Variants in GLP2R observed in about 807,000 individuals in gnomAD.
The protein encoded by GLP2R is glucagon like peptide 2 receptor.
In GLP2R, 59 loss-of-function variants were observed where a neutral mutation model predicts 68.2. That is an observed-to-expected ratio of 0.87 (90% CI 0.70 to 1.07). The LOEUF (loss-of-function observed/expected upper bound fraction) is 1.07, where lower values mean the gene tolerates loss of function less well. Ranked by LOEUF, GLP2R falls within the 50% of genes least tolerant of loss-of-function variation. The pLI is 0.00. For missense variants in GLP2R, 548 were observed against 677.4 expected (o/e 0.81, Z 2.12); for synonymous variants, 270 against 265.4 (o/e 1.02, Z -0.17).
intron 1 of GLP2R, among the ~76,000 whole-genome samples, chr17:9,829,965 A>G (rs1239937596): frequency 1.3e-5 from 2 of 152,224 alleles, no homozygotes; most frequent in Non-Finnish European, 2.9e-5. Flanking sequence ...CTGGTTGCCT[A>G]TGCAAGGGAA....
At chr17:9,837,135 G>A (rs1034817141) in intron 3 of GLP2R, among the ~76,000 whole-genome samples, 1 of 152,198 alleles carries the variant, frequency 6.6e-6, no homozygotes, top group South Asian at 2.1e-4. Flanking sequence ...GATTACAGGC[G>A]TGAGCACTGC....
intron 10 of GLP2R, among the ~76,000 whole-genome samples, chr17:9,875,324 C>A (rs1452036943): frequency 2.0e-5 from 3 of 152,188 alleles, no homozygotes; most frequent in Admixed American, 2.0e-4. Flanking sequence ...TCTTCCTCAT[C>A]CCCTTCCATG....
chr17:9,838,343 A>G (rs924957424), intron 3 of GLP2R, among the ~76,000 whole-genome samples: 26 of 152,200 alleles, frequency 1.7e-4, no homozygotes, highest in African/African-American at 6.3e-4. Context: ...AGTCAATGAG[A>G]AGGCACTCAC....
At chr17:9,870,644 A>G in intron 9 of GLP2R, 103 bp from the exon 10 acceptor site, 1 of 722,386 alleles carries the variant, frequency 1.4e-6, no homozygotes, top group Admixed American at 1.9e-5. Context: ...CCCCTGGTTT[A>G]CATTGAACTG....
intron 11 of GLP2R, among the ~76,000 whole-genome samples, chr17:9,884,983 A>T (rs1421863979): frequency 6.6e-6 from 1 of 151,962 alleles, no homozygotes; most frequent in Admixed American, 6.6e-5. Context: ...GATCTCACTC[A>T]CCCAAGGCCC....
chr17:9,846,261 A>C (rs1041137165), intron 4 of GLP2R, among the ~76,000 whole-genome samples: 1 of 152,184 alleles, frequency 6.6e-6, no homozygotes, highest in African/African-American at 2.4e-5. Flanking sequence ...AGTAATTTAA[A>C]AAACTGCTAT....
intron 6 of GLP2R, 83 bp from the exon 7 acceptor site, chr17:9,859,859 G>GTC (rs2066970738): frequency 2.7e-6 from 1 of 371,298 alleles, no homozygotes; most frequent in African/African-American, 2.1e-5. Flanking sequence ...GGGAGAGGTT[G>GTC]TCTCTGGGAG....
In GLP2R at chr17:9,889,515, G is replaced by T; in HGVS notation, c.1472G>T (p.Arg491Leu). 1 of 1,614,194 alleles carries T rather than the reference G, an allele frequency of 6.2e-7. No homozygotes were observed. ...GAAGGAGATGGCGCTGAGAAGCTTC[G>T]GAAGCTGCAGCCCTCACTTAACAGT... ...LSEGDGAEKLRKLQPSLNSGR... is the reference protein window; with the variant it reads ...LSEGDGAEKLLKLQPSLNSGR... The change falls in exon 13 of 13, where the codon CGG becomes CTG. Residue 491 changes from arginine to leucine, a missense_variant. Arg to Leu is a moderately radical substitution (Grantham distance 102, BLOSUM62 -2). Transcript: ENST00000262441.
At chr17:9,879,277 AAAATAAAATAAAAT>A (rs1233340995) in intron 10 of GLP2R, among the ~76,000 whole-genome samples, 737 of 25,872 alleles carry the variant, frequency 0.028, 39 homozygotes, top group African/African-American at 0.13. Flanking sequence ...AAAATAAAAT[AAAATAAAATAAAAT>A]AAATAAAATA....
intron 2 of GLP2R, among the ~76,000 whole-genome samples, chr17:9,835,136 C>A (rs1402932498): frequency 1.4e-5 from 2 of 146,622 alleles, no homozygotes; most frequent in Non-Finnish European, 3.0e-5. Context: ...TCAAGAGATT[C>A]TCCTGCCTCA....
chr17:9,889,196 A>G (rs970045082), intron 12 of GLP2R, among the ~76,000 whole-genome samples, 174 bp from the exon 13 acceptor site: 1 of 152,090 alleles, frequency 6.6e-6, no homozygotes, highest in Non-Finnish European at 1.5e-5. Context: ...TAGTACTCTC[A>G]CAGTGTCATC....
intron 3 of GLP2R, among the ~76,000 whole-genome samples, chr17:9,837,273 C>A (rs769517036): frequency 1.3e-5 from 2 of 152,204 alleles, no homozygotes; most frequent in African/African-American, 2.4e-5. Flanking sequence ...CCGCCCACTA[C>A]CCTTCCCAGC....
In GLP2R at chr17:9,857,585, C is replaced by T; in HGVS notation, c.765+9C>T. ...TGTCCTACCTGTCAGAGGTAATCCC[C>T]TTCCCCACTGTTTACACTGGACTCC... On this transcript the variant is annotated intron_variant, in intron 6 of 12. Transcript: ENST00000262441. 1 of 1,613,940 alleles carries T rather than the reference C, an allele frequency of 6.2e-7. No homozygotes were observed. Among genetic ancestry groups the T allele is most frequent in the South Asian group, 1.1e-5 (1 of 91,076 alleles).
intron 4 of GLP2R, among the ~76,000 whole-genome samples, chr17:9,852,060 G>GTT (rs961115603): frequency 9.3e-5 from 5 of 53,570 alleles, no homozygotes; most frequent in Non-Finnish European, 1.7e-4. Flanking sequence ...TTTTTTTTTT[G>GTT]TTTTTTTTTT....
chr17:9,889,368 A>T lies in GLP2R; in HGVS notation c.1327-2A>T, dbSNP rs2067269928. ...TAACCTCTCACTTGTCTCACCCGGC[A>T]GGTGAAGGCTGAGCTGCGGAAATAC... On this transcript the variant is annotated splice_acceptor_variant, in intron 12 of 12. Transcript: ENST00000262441. LOFTEE classifies it high-confidence loss of function. 1 of 1,603,022 alleles carries T rather than the reference A, an allele frequency of 6.2e-7. No individual in the cohort carries two copies. The highest frequency in any genetic ancestry group is 2.2e-5 in the East Asian group (1 of 44,742).
At chr17:9,842,454 G>A in intron 3 of GLP2R, 41 bp from the exon 4 acceptor site, 1 of 1,613,420 alleles carries the variant, frequency 6.2e-7, no homozygotes, top group Non-Finnish European at 8.5e-7. Context: ...GGAACGGGCT[G>A]TGTGTTCTGA....
intron 4 of GLP2R, among the ~76,000 whole-genome samples, chr17:9,847,292 G>A (rs985867334): frequency 1.3e-5 from 2 of 150,130 alleles, no homozygotes; most frequent in Middle Eastern, 3.2e-3. Flanking sequence ...TTTTTGAAAC[G>A]GAGTTTCGCT....
At chr17:9,837,101 C>T (rs545193918) in intron 3 of GLP2R, among the ~76,000 whole-genome samples, 13 of 152,126 alleles carry the variant, frequency 8.5e-5, no homozygotes, top group South Asian at 2.1e-4. Flanking sequence ...GTGATCCACC[C>T]GCCTCCGCCT....
intron 6 of GLP2R, among the ~76,000 whole-genome samples, chr17:9,858,431 T>C (rs1338399622): frequency 6.6e-6 from 1 of 152,248 alleles, no homozygotes; most frequent in Non-Finnish European, 1.5e-5. Context: ...TTGTTGCCAT[T>C]CATGAGAAAG....
Sources: allele counts gnomAD v4.1 joint callset (sites outside exome capture counted in the v4.1 genomes callset), GRCh38; gene constraint gnomAD v4.1.1; transcripts MANE v1.5; gene names NCBI Gene and HGNC (gene_info 2026-07-23, HGNC 2026-07-21).